JAK2: variants seen among roughly 807,000 people sequenced by gnomAD.
JAK2 encodes Janus kinase 2, also known as tyrosine-protein kinase JAK2.
A neutral mutation model predicts 139.3 loss-of-function variants in JAK2; 86 were observed. The ratio of observed to expected loss-of-function variants is 0.62; its 90% CI spans 0.52 to 0.74. JAK2 has a LOEUF of 0.74. Among genes scored for constraint, JAK2 ranks in the 30% least tolerant of loss-of-function variants. The pLI is 0.00. For synonymous variants in JAK2, 490 were observed against 437.7 expected (o/e 1.12, Z -1.49); for missense variants, 1,421 against 1,360.3 (o/e 1.04, Z -0.70).
chr9:5,103,461 C>T (rs1233036067), intron 22 of JAK2, among the ~76,000 whole-genome samples: 1 of 151,894 alleles, frequency 6.6e-6, no homozygotes, highest in African/African-American at 2.4e-5. Context: ...GACTCCCACA[C>T]AATAATAATG....
chr9:5,020,867 C>G (rs1214107353), intron 2 of JAK2, among the ~76,000 whole-genome samples: 1 of 151,986 alleles, frequency 6.6e-6, no homozygotes, highest in Non-Finnish European at 1.5e-5. Flanking sequence ...CTGTTGGGCT[C>G]CAGGGTAGGA....
intron 2 of JAK2, among the ~76,000 whole-genome samples, chr9:5,011,282 C>T (rs547761856): frequency 9.9e-5 from 15 of 152,202 alleles, no homozygotes; most frequent in African/African-American, 3.1e-4. Flanking sequence ...AACTCCTGAG[C>T]GCAAGTAATC....
intron 2 of JAK2, among the ~76,000 whole-genome samples, chr9:5,020,811 C>T (rs935610552): frequency 2.9e-4 from 44 of 151,898 alleles, no homozygotes; most frequent in Admixed American, 2.5e-3. Context: ...AGGTGACTGT[C>T]GGTGGAGGAT....
At chr9:5,120,863 T>C (rs1411000063) in intron 22 of JAK2, among the ~76,000 whole-genome samples, 5 of 152,200 alleles carry the variant, frequency 3.3e-5, no homozygotes, top group East Asian at 1.9e-4. Context: ...ATGCTATTTA[T>C]TGCATAAGAA....
intron 22 of JAK2, chr9:5,107,930 T>G (rs1822104080): frequency 6.6e-6 from 1 of 152,174 alleles, no homozygotes; most frequent in Non-Finnish European, 1.5e-5. Flanking sequence ...ACTTCAGTGC[T>G]AAAAATTATT....
At chr9:5,047,548 G>C (rs765085606) in intron 5 of JAK2, among the ~76,000 whole-genome samples, 1 of 152,176 alleles carries the variant, frequency 6.6e-6, no homozygotes. Context: ...CATCATTTCT[G>C]ATTTTGTGAC....
intron 22 of JAK2, among the ~76,000 whole-genome samples, chr9:5,105,884 C>T (rs532127119): frequency 1.6e-4 from 25 of 152,298 alleles, no homozygotes; most frequent in Middle Eastern, 3.4e-3. Context: ...AACTGGATCC[C>T]TTCCTTACAC....
chr9:5,040,946 G>A (rs1008818596), intron 4 of JAK2: 14 of 452,122 alleles, frequency 3.1e-5, no homozygotes, highest in Non-Finnish European at 4.5e-5. Context: ...CGGAGCCAAG[G>A]AAAGAATCTC....
Position 5,054,202 on chromosome 9 carries a change from A to G in JAK2, c.615-361A>G, listed in dbSNP as rs1817606065. 6.6e-6 allele frequency among the ~76,000 whole-genome samples: 1 copy of G among 152,080 alleles called. No individual in the cohort carries two copies. The highest frequency in any genetic ancestry group is 2.1e-4 in the South Asian group (1 of 4,830). ...TAGGAAATATTTGTAGCACAGTTCA[A>G]TATATGCCAAAATATTATCTTATAA... On this transcript the variant is annotated intron_variant, in intron 6 of 24. Transcript: ENST00000381652. This position sits in a 1 kb window ranked among gnomAD's most constrained non-coding sequence, Gnocchi z 4.9.
At chr9:5,088,186 G>A (rs1286593510) in intron 19 of JAK2, among the ~76,000 whole-genome samples, 1 of 152,138 alleles carries the variant, frequency 6.6e-6, no homozygotes, top group Non-Finnish European at 1.5e-5. Flanking sequence ...GCAAGTTGTG[G>A]ATCAATATTC....
chr9:5,019,588 G>T (rs1386590795), intron 2 of JAK2, among the ~76,000 whole-genome samples: 1 of 152,120 alleles, frequency 6.6e-6, no homozygotes, highest in Admixed American at 6.5e-5. Context: ...CTTTGGAGAT[G>T]TCATATTTCC....
chr9:5,110,956 G>T (rs1822446509), intron 22 of JAK2: 2 of 596,596 alleles, frequency 3.4e-6, no homozygotes, highest in Non-Finnish European at 6.3e-6. Context: ...CACGGACAAG[G>T]AGCTCAGTAA....
In JAK2 at chr9:5,055,735, G is replaced by T; in HGVS notation, c.1003G>T (p.Gly335Cys). 1 of 1,609,470 alleles carries T rather than the reference G, an allele frequency of 6.2e-7. No homozygotes were observed. The highest frequency in any genetic ancestry group is 8.5e-7 in the Non-Finnish European group (1 of 1,176,550). Reference protein sequence around the residue: ...DVSIKQANQEGSNESRVVTIH... With the variant: ...DVSIKQANQECSNESRVVTIH... ...CAGTATTAAGCAAGCAAACCAAGAG[G>T]GTTCAAATGAAAGCCGAGTTGTAAC... Residue 335 changes from glycine to cysteine, a missense_variant, in exon 8 of 25, where the codon GGT becomes TGT. By Grantham distance (159) the Gly-to-Cys change is radical. Coordinates refer to ENST00000381652, the MANE Select transcript of JAK2 (RefSeq NM_004972.4).
intron 18 of JAK2, 63 bp from the exon 19 acceptor site, chr9:5,081,662 A>G (rs1819709258): frequency 8.5e-7 from 1 of 1,179,834 alleles, no homozygotes; most frequent in East Asian, 2.3e-5. Context: ...TTGAATGTAT[A>G]TCAGTTTAGT....
chr9:5,080,803 T>G (rs1302556123), intron 18 of JAK2, 120 bp downstream of exon 18: 7 of 635,598 alleles, frequency 1.1e-5, no homozygotes, highest in Non-Finnish European at 1.8e-5. Flanking sequence ...GCCCTCTTAA[T>G]TTCTTATGTT....
intron 16 of JAK2, among the ~76,000 whole-genome samples, chr9:5,079,403 A>G (rs537828851): frequency 7.9e-5 from 12 of 152,268 alleles, no homozygotes; most frequent in Non-Finnish European, 1.5e-4. Flanking sequence ...AAATTCCGTG[A>G]TTTGAGCAGA....
intron 4 of JAK2, among the ~76,000 whole-genome samples, chr9:5,032,105 C>T (rs1054470058): frequency 5.3e-5 from 8 of 152,270 alleles, no homozygotes; most frequent in South Asian, 4.1e-4. Flanking sequence ...GCACATATCC[C>T]GCGCCTGGCT....
Position 5,037,407 on chromosome 9 carries a change from C to T in JAK2, c.351-6996C>T, listed in dbSNP as rs183922805. On this transcript the variant is annotated intron_variant, in intron 4 of 24. Transcript: ENST00000381652. ...ATGCTGCTATAAAGACACATGCACA[C>T]GTATGTTTATTGCGGCACTATTCAC... Among the ~76,000 whole-genome samples the T allele has an allele frequency of 1.2e-4, 18 of 152,198 alleles. No homozygotes were observed. The East Asian group carries it at 3.1e-3, about 26-fold the overall frequency.
At chr9:5,059,041 C>A (rs946044070) in intron 8 of JAK2, among the ~76,000 whole-genome samples, 2 of 152,060 alleles carry the variant, frequency 1.3e-5, no homozygotes, top group African/African-American at 4.8e-5. Flanking sequence ...TTAGCTAGTT[C>A]AACTTTTGTT....
Sources: allele counts gnomAD v4.1 joint callset (sites outside exome capture counted in the v4.1 genomes callset), GRCh38; gene constraint gnomAD v4.1.1; non-coding constraint Gnocchi (gnomAD v3.1); transcripts MANE v1.5; gene names NCBI Gene and HGNC (gene_info 2026-07-23, HGNC 2026-07-21).